The following PARP1 variants were observed in gnomAD, a reference collection of about 807,000 sequenced individuals.
PARP1 encodes poly(ADP-ribose) polymerase 1.
Under a neutral mutation model 118.7 loss-of-function variants are expected in PARP1, and 44 were observed. That is an observed-to-expected ratio of 0.37 (90% CI 0.29 to 0.48). The LOEUF (loss-of-function observed/expected upper bound fraction) is 0.48, where lower values mean the gene tolerates loss of function less well. Among genes scored for constraint, PARP1 ranks in the 20% least tolerant of loss-of-function variants. The pLI is 0.99. For missense variants in PARP1, 1,100 were observed against 1,272.4 expected (o/e 0.86, Z 2.06); for synonymous variants, 492 against 483.2 (o/e 1.02, Z -0.24).
At chr1:226,398,678 A>T (rs2102745289) in intron 2 of PARP1, among the ~76,000 whole-genome samples, 1 of 152,366 alleles carries the variant, frequency 6.6e-6, no homozygotes, top group Non-Finnish European at 1.5e-5. Context: ...CTATATATCT[A>T]TTGGAATGGC....
chr1:226,405,446 C>G (rs560024632), intron 1 of PARP1, among the ~76,000 whole-genome samples: 2 of 152,088 alleles, frequency 1.3e-5, no homozygotes, highest in South Asian at 4.2e-4. Context: ...TGGGACTTAA[C>G]AGGCACGCAC....
At chr1:226,372,911 C>T (rs893355357) in intron 14 of PARP1, among the ~76,000 whole-genome samples, 1 of 152,182 alleles carries the variant, frequency 6.6e-6, no homozygotes, top group African/African-American at 2.4e-5. Context: ...AGTGAGCCCA[C>T]CCATAAGTTG....
intron 15 of PARP1, 82 bp from the exon 16 acceptor site, chr1:226,368,403 G>A (rs962453197): frequency 4.3e-5 from 68 of 1,586,716 alleles, no homozygotes; most frequent in Non-Finnish European, 3.8e-5. Context: ...TTAGCAGGTG[G>A]GTGCTGCAGC....
Position 226,402,243 on chromosome 1 carries a change from T to C in PARP1, c.257A>G (p.Lys86Arg), listed in dbSNP as rs373081722. 7.4e-6 allele frequency: 12 copies of C among 1,614,096 alleles called. No homozygotes were observed. The Admixed American group carries it at 8.3e-5, about 11-fold the overall frequency. Residue 86 changes from lysine to arginine, a missense_variant, in exon 2 of 23, where the codon AAG becomes AGG. Physicochemically the swap from Lys to Arg is conservative, Grantham distance 26. Coordinates refer to ENST00000366794, the MANE Select transcript of PARP1 (RefSeq NM_001618.4). ...ELRWDDQQKV[K>R]KTAEAGGVTG... Reference sequence around the variant, plus strand: ...CACTCCTCCAGCTTCCGCTGTCTTCTTGACTTTCTGCTGGTCATCCCACCG... The same window carrying C: ...CACTCCTCCAGCTTCCGCTGTCTTCCTGACTTTCTGCTGGTCATCCCACCG...
At position 226,365,980 on chromosome 1, in the gene PARP1, T is replaced by C. The variant is rs1352101996; in HGVS notation, c.2479A>G (p.Asn827Asp). The change falls in exon 18 of 23, where the codon AAT becomes GAT. Residue 827 changes from asparagine to aspartate, a missense_variant. This residue lies in a region of PARP1 where 152 missense variants were observed against 240.6 expected (regional missense o/e 0.63). Transcript: ENST00000366794. ...TCGATGACTTCCAAGTCATACGCATTGTGTGTGGTTGCATGAGTGTTCTTA... is the reference window on the plus strand; with the variant it reads ...TCGATGACTTCCAAGTCATACGCATCGTGTGTGGTTGCATGAGTGTTCTTA... ...YVKNTHATTH[N>D]AYDLEVIDIF... 6.2e-7 allele frequency: 1 copy of C among 1,612,224 alleles called. No individual in the cohort carries two copies. Among genetic ancestry groups the C allele is most frequent in the South Asian group, 1.1e-5 (1 of 91,046 alleles).
chr1:226,367,374 T>A, intron 17 of PARP1, 106 bp downstream of exon 17: 1 of 1,354,948 alleles, frequency 7.4e-7, no homozygotes, highest in East Asian at 2.3e-5. Flanking sequence ...GCCAGCCACC[T>A]GTGTTTTAAC....
intron 19 of PARP1, 85 bp downstream of exon 19, chr1:226,364,917 C>T (rs1197726013): frequency 8.1e-6 from 12 of 1,479,068 alleles, no homozygotes; most frequent in Non-Finnish European, 9.4e-6. Flanking sequence ...TCCCCCTAAA[C>T]CAACTAGACC....
rs901927041 is a variant in PARP1 at position 226,381,299 on chromosome 1, G to A, written c.1160-91C>T. The A allele has an allele frequency of 8.2e-6, 12 of 1,467,688 alleles. No individual in the cohort carries two copies. The African/African-American group carries it at 8.3e-5, about 10-fold the overall frequency. 90.9% of individuals were successfully genotyped at this position (1,467,688 alleles called of 1,614,324 possible). On this transcript the variant is annotated intron_variant, in intron 8 of 22. Coordinates refer to ENST00000366794, the MANE Select transcript of PARP1 (RefSeq NM_001618.4). ...TGGAGGAGCAGGTGAGCCAAGCAGC[G>A]AGCTCCTGGGAAAAGCCTATGAAAA...
intron 2 of PARP1, chr1:226,392,887 A>C: frequency 6.4e-7 from 1 of 1,553,612 alleles, no homozygotes; most frequent in East Asian, 2.3e-5. Flanking sequence ...CTTATTATAA[A>C]AATAAATTCC....
Position 226,361,381 on chromosome 1 carries a change from G to A in PARP1, c.*79C>T, listed in dbSNP as rs72746749. 1.4e-5 allele frequency: 12 copies of A among 885,130 alleles called. No homozygotes were observed. The highest frequency in any genetic ancestry group is 4.1e-5 in the South Asian group (3 of 73,698). 54.8% of individuals were successfully genotyped at this position (885,130 alleles called of 1,614,324 possible). ...AGGTACTACCCATCAGCAACTTAGC[G>A]GCCAGGTGAGTTGGTGCAGAAGCGC... On this transcript the variant is annotated 3_prime_UTR_variant, in exon 23 of 23. Coordinates refer to ENST00000366794, the MANE Select transcript of PARP1 (RefSeq NM_001618.4).
chr1:226,399,238 A>T (rs1232233841), intron 2 of PARP1, among the ~76,000 whole-genome samples: 1 of 151,636 alleles, frequency 6.6e-6, no homozygotes, highest in Non-Finnish European at 1.5e-5. Context: ...ACACCGGCTA[A>T]TTTTTGTATT....
In PARP1 at chr1:226,370,435, T is replaced by G; in HGVS notation, c.2153A>C (p.Gln718Pro). 1 of 1,613,114 alleles carries G rather than the reference T, an allele frequency of 6.2e-7. No homozygotes were observed. The highest frequency in any genetic ancestry group is 8.5e-7 in the Non-Finnish European group (1 of 1,179,074). The part of the protein sequence containing the change: ...AAYSILSEVQ[Q>P]AVSQGSSDSQ... The stretch of plus-strand genomic sequence containing the variant: ...GGCCCCTGGTAGCCCTGTGCTTACC[T>G]GCTGGACCTCACTGAGGATGGAGTA... Residue 718 changes from glutamine (Q) to proline (P), a missense_variant and splice_region_variant, in exon 15 of 23, where the codon CAG (glutamine) becomes CCG (proline). Around this residue, in one of 2 missense-constraint regions of PARP1, gnomAD observed 948 missense variants for 1,031.8 expected, o/e 0.92. Transcript: ENST00000366794.
intron 2 of PARP1, among the ~76,000 whole-genome samples, chr1:226,399,558 G>A (rs555627666): frequency 1.3e-5 from 2 of 152,326 alleles, no homozygotes; most frequent in East Asian, 1.9e-4. Flanking sequence ...GATTTCCCAG[G>A]CAGTGAAAGG....
chr1:226,381,208 T>C lies in PARP1; in HGVS notation c.1160A>G (p.Asp387Gly), dbSNP rs1406288243. 11 of 1,614,040 alleles carry C rather than the reference T, an allele frequency of 6.8e-6. No individual in the cohort carries two copies. The highest frequency in any genetic ancestry group is 9.3e-6 in the Non-Finnish European group (11 of 1,180,034). The change falls in exon 9 of 23, where the codon GAT becomes GGT. Residue 387 changes from aspartate to glycine, a missense_variant and splice_region_variant. Asp to Gly is a moderately conservative substitution (Grantham distance 94). Transcript: ENST00000366794. ...PAAVNSSASA[D>G]KPLSNMKILT... is the part of the protein sequence containing the mutation. ...GATCTTCATGTTGGATAATGGCTTA[T>C]CTGGGATGAAAGGAGAGAATCATTC... is the stretch of plus-strand genomic sequence containing the variant.
At chr1:226,379,810 C>T in intron 10 of PARP1, 112 bp downstream of exon 10, 1 of 1,541,712 alleles carries the variant, frequency 6.5e-7, no homozygotes, top group Non-Finnish European at 9.0e-7. Flanking sequence ...TCCTGCTCTG[C>T]AGCACTCAAC....
Position 226,374,495 on chromosome 1 carries a change from G to A in PARP1, c.1942-141C>T, listed in dbSNP as rs1576393894. On this transcript the variant is annotated intron_variant, in intron 13 of 22. Coordinates refer to ENST00000366794, the MANE Select transcript of PARP1 (RefSeq NM_001618.4). ...AAAGCTGAGTGTTAATCAAAAAGGT[G>A]TGGAAAACAGTGGCCAGGATGAGTG... 1.5e-5 allele frequency: 13 copies of A among 888,416 alleles called. No individual in the cohort carries two copies. In the East Asian group the frequency reaches 3.4e-4, roughly 23 times the overall value. The allele number at this position is 888,416 out of a possible 1,614,324, so 55.0% of individuals were successfully genotyped here.
chr1:226,362,968 C>T (rs1488332385), intron 21 of PARP1, 131 bp downstream of exon 21: 6 of 735,772 alleles, frequency 8.2e-6, no homozygotes, highest in African/African-American at 1.7e-5. Context: ...ACACACCCCT[C>T]GAAAAGATAA....
rs1238258127 is a variant in PARP1 at position 226,390,390 on chromosome 1, C to A, written c.617+20G>T. 1 of 1,610,426 alleles carries A rather than the reference C, an allele frequency of 6.2e-7. No homozygotes were observed. Among genetic ancestry groups the A allele is most frequent in the African/African-American group, 1.3e-5 (1 of 74,958 alleles). On this transcript the variant is annotated intron_variant, in intron 4 of 22. Coordinates refer to ENST00000366794, the MANE Select transcript of PARP1 (RefSeq NM_001618.4). ...ACCCCTCACTGAACCCCCAGGGCAA[C>A]CCCGCAGTGCTCCACCCACCCTTCA...
rs1015658277 is a variant in PARP1, at chr1:226,393,072, T to C, written c.287-758A>G. 1.6e-5 allele frequency: 19 copies of C among 1,205,774 alleles called. No homozygotes were observed. In the South Asian group the frequency reaches 2.6e-4, roughly 17 times the overall value. 74.7% of individuals were successfully genotyped at this position (1,205,774 alleles called of 1,614,324 possible). The stretch of plus-strand genomic sequence containing the variant: ...CATCTCTACTTGTAGATGATTCTAT[T>C]TGATATTCCTAAGAGATATCTTAAG... On this transcript the variant is annotated intron_variant, in intron 2 of 22. Coordinates refer to ENST00000366794, the MANE Select transcript of PARP1 (RefSeq NM_001618.4).
Sources: allele counts gnomAD v4.1 joint callset (sites outside exome capture counted in the v4.1 genomes callset), GRCh38; gene constraint gnomAD v4.1.1; regional missense constraint gnomAD v4.1.1; transcripts MANE v1.5; gene names NCBI Gene and HGNC (gene_info 2026-07-23, HGNC 2026-07-21).